The following CCDC73 variants were observed in gnomAD, a reference collection of about 807,000 sequenced individuals.
CCDC73 encodes coiled-coil domain-containing protein 73.
A neutral mutation model predicts 116.5 loss-of-function variants in CCDC73; 95 were observed. The ratio of observed to expected loss-of-function variants is 0.82; its 90% CI spans 0.69 to 0.97. CCDC73 has a LOEUF of 0.97. CCDC73 is among the 50% of genes least tolerant of loss of function. The pLI, the probability that CCDC73 is intolerant of heterozygous loss-of-function variation, is 0.00. For synonymous variants in CCDC73, 398 were observed against 401.3 expected (o/e 0.99, Z 0.10); for missense variants, 1,066 against 1,206.8 (o/e 0.88, Z 1.73).
At chr11:32,618,105 T>C (rs759605073) in intron 14 of CCDC73, among the ~76,000 whole-genome samples, 1 of 152,158 alleles carries the variant, frequency 6.6e-6, no homozygotes, top group Non-Finnish European at 1.5e-5. Context: ...CAATGTTTAG[T>C]TCCAACTTAT....
At chr11:32,745,725 T>G (rs1850230497) in intron 2 of CCDC73, among the ~76,000 whole-genome samples, 1 of 138,938 alleles carries the variant, frequency 7.2e-6, no homozygotes, top group Non-Finnish European at 1.5e-5. Context: ...TTTTGTTTTT[T>G]TGTTTGTTTG....
At chr11:32,693,711 C>A (rs1252489829) in intron 6 of CCDC73, among the ~76,000 whole-genome samples, 1 of 152,152 alleles carries the variant, frequency 6.6e-6, no homozygotes, top group Non-Finnish European at 1.5e-5. Context: ...AAAAAGCTAT[C>A]CACCACGAAC....
chr11:32,636,932 G>T (rs996107601), intron 13 of CCDC73, among the ~76,000 whole-genome samples: 2 of 149,622 alleles, frequency 1.3e-5, no homozygotes, highest in Non-Finnish European at 3.0e-5. Flanking sequence ...GCATCTTCTC[G>T]TCAGCCTACA....
chr11:32,765,120 C>G (rs1201715104), intron 1 of CCDC73, among the ~76,000 whole-genome samples: 2 of 152,284 alleles, frequency 1.3e-5, no homozygotes, highest in Non-Finnish European at 2.9e-5. Context: ...AAAGCAAGTC[C>G]TTAGAGTCCT....
At chr11:32,639,162 C>G (rs569476436) in intron 13 of CCDC73, among the ~76,000 whole-genome samples, 2 of 151,618 alleles carry the variant, frequency 1.3e-5, no homozygotes, top group African/African-American at 2.4e-5. Flanking sequence ...GACACCCCCC[C>G]CAAAAAATCC....
rs147978676 is a variant in CCDC73, at chr11:32,684,634, T to C, written c.391-1060A>G. Among the ~76,000 whole-genome samples, 389 of 152,338 alleles carry C rather than the reference T, an allele frequency of 2.6e-3. 1 individual carries two copies. The highest frequency in any genetic ancestry group is 4.8e-3 in the South Asian group (23 of 4,828). On this transcript the variant is annotated intron_variant, in intron 6 of 17. Coordinates refer to ENST00000335185, the MANE Select transcript of CCDC73 (RefSeq NM_001008391.4). ...GCTTGTATCTAGACTTTTAAAGTTA[T>C]TCTTTTTATTAGGATAAGTTCCAAG...
the CCDC73 span, among the ~76,000 whole-genome samples, chr11:32,801,697 G>A: frequency 1.3e-5 from 2 of 150,100 alleles, no homozygotes; most frequent in African/African-American, 2.4e-5. Context: ...CAAAGAAGGA[G>A]AAAATGGAGT....
At chr11:32,728,294 A>G (rs1850046487) in intron 2 of CCDC73, among the ~76,000 whole-genome samples, 1 of 152,102 alleles carries the variant, frequency 6.6e-6, no homozygotes, top group Admixed American at 6.5e-5. Context: ...TCTCTCCCCA[A>G]TTTATCTATT....
intron 2 of CCDC73, among the ~76,000 whole-genome samples, chr11:32,743,531 A>AATG (rs111528695): frequency 6.6e-6 from 1 of 151,610 alleles, no homozygotes; most frequent in Non-Finnish European, 1.5e-5. Flanking sequence ...CATTTAAAGC[A>AATG]GTGTATAGAG....
intron 3 of CCDC73, among the ~76,000 whole-genome samples, chr11:32,710,453 T>G (rs1021498344): frequency 1.3e-5 from 2 of 152,212 alleles, no homozygotes; most frequent in Non-Finnish European, 2.9e-5. Context: ...CAATGATCAT[T>G]CAGGAGCCGG....
At chr11:32,653,097 C>T (rs376151204) in intron 12 of CCDC73, 26 bp downstream of exon 12, 34 of 1,234,888 alleles carry the variant, frequency 2.8e-5, no homozygotes, top group Non-Finnish European at 3.5e-5. Flanking sequence ...GATAGATAGA[C>T]AGACAGACAG....
chr11:32,625,360 G>A (rs1174024231), intron 14 of CCDC73, among the ~76,000 whole-genome samples: 2 of 152,122 alleles, frequency 1.3e-5, no homozygotes, highest in Non-Finnish European at 2.9e-5. Flanking sequence ...AGTTGATGCC[G>A]TTTCTTCCTA....
At chr11:32,631,872 G>A (rs1327876305) in intron 14 of CCDC73, among the ~76,000 whole-genome samples, 2 of 152,024 alleles carry the variant, frequency 1.3e-5, no homozygotes, top group African/African-American at 4.8e-5. Context: ...AGGCAGGCAG[G>A]CAGATAGACA....
At chr11:32,634,169 A>T (rs76364323) in intron 14 of CCDC73, among the ~76,000 whole-genome samples, 11,828 of 152,288 alleles carry the variant, frequency 0.078, 491 homozygotes, top group Non-Finnish European at 0.091. Context: ...AACTGAGTTT[A>T]CTTGACCAGT....
chr11:32,747,932 C>T (rs1652259269), intron 2 of CCDC73, among the ~76,000 whole-genome samples: 1 of 152,244 alleles, frequency 6.6e-6, no homozygotes, highest in Admixed American at 6.5e-5. Context: ...TCTGCTTCAG[C>T]TCGCCCTCCA....
chr11:32,715,938 T>C (rs879397249), intron 3 of CCDC73, among the ~76,000 whole-genome samples: 1 of 152,048 alleles, frequency 6.6e-6, no homozygotes, highest in Admixed American at 6.6e-5. Flanking sequence ...AAATACTGCA[T>C]TACAAAATTT....
intron 6 of CCDC73, among the ~76,000 whole-genome samples, chr11:32,698,246 G>A (rs555734281): frequency 1.8e-4 from 27 of 151,742 alleles, no homozygotes; most frequent in Admixed American, 5.3e-4. Context: ...GGATGGTCTC[G>A]ATCTCCTGAC....
chr11:32,678,196 T>C (rs1314687312), intron 7 of CCDC73, among the ~76,000 whole-genome samples: 1 of 151,994 alleles, frequency 6.6e-6, no homozygotes, highest in Non-Finnish European at 1.5e-5. Context: ...GCAGAATCAC[T>C]TGAACCCTGG....
At chr11:32,775,830 C>G (rs1470248292) in intron 1 of CCDC73, among the ~76,000 whole-genome samples, 1 of 152,140 alleles carries the variant, frequency 6.6e-6, no homozygotes, top group African/African-American at 2.4e-5. Flanking sequence ...AAAGTTCTAT[C>G]ACACAACTGC....
Sources: gnomAD v4.1 joint callset for allele counts (sites outside exome capture counted in the v4.1 genomes callset) on GRCh38, gnomAD v4.1.1 for gene constraint, MANE v1.5 for transcripts, NCBI Gene and HGNC (gene_info 2026-07-23, HGNC 2026-07-21) for gene names.